The following THSD7B variants were observed in gnomAD, a reference collection of about 807,000 sequenced individuals.
The protein encoded by THSD7B is thrombospondin type-1 domain-containing protein 7B.
In THSD7B, 138 loss-of-function variants were observed where a neutral mutation model predicts 213.6. The ratio of observed to expected loss-of-function variants is 0.65; its 90% CI spans 0.56 to 0.74. The LOEUF (loss-of-function observed/expected upper bound fraction) is 0.74, where lower values mean the gene tolerates loss of function less well. Ranked by LOEUF, THSD7B falls within the 30% of genes least tolerant of loss-of-function variation. The pLI is 0.00. For missense variants in THSD7B, 1,931 were observed against 1,991.5 expected, an observed-to-expected ratio of 0.97 and a Z score of 0.58; for synonymous variants, 742 against 687.0, an observed-to-expected ratio of 1.08 and a Z score of -1.25.
chr2:137,659,131 C>A (rs911116656), intron 24 of THSD7B, among the ~76,000 whole-genome samples: 1 of 152,144 alleles, frequency 6.6e-6, no homozygotes, highest in Non-Finnish European at 1.5e-5. Flanking sequence ...TGTGTTTATA[C>A]GTGACTCTGT....
intron 15 of THSD7B, among the ~76,000 whole-genome samples, chr2:137,520,079 A>T (rs1211394748): frequency 6.6e-6 from 1 of 152,200 alleles, no homozygotes; most frequent in East Asian, 1.9e-4. Flanking sequence ...TTATTGTCCA[A>T]TGCCCTTAAT....
intron 2 of THSD7B, among the ~76,000 whole-genome samples, chr2:137,028,581 C>T (rs969479882): frequency 7.2e-5 from 11 of 152,134 alleles, no homozygotes; most frequent in African/African-American, 1.9e-4. Context: ...AGTTACTGTG[C>T]GAGGCACTGG....
At chr2:137,377,291 A>G (rs1023071620) in intron 12 of THSD7B, among the ~76,000 whole-genome samples, 1 of 152,210 alleles carries the variant, frequency 6.6e-6, no homozygotes, top group African/African-American at 2.4e-5. Context: ...GTGAATGTCT[A>G]TTTTGTCCTT....
intron 1 of THSD7B, among the ~76,000 whole-genome samples, chr2:136,869,539 T>G (rs771105748): frequency 6.6e-6 from 1 of 152,216 alleles, no homozygotes; most frequent in Non-Finnish European, 1.5e-5. Context: ...CACAGCAGTA[T>G]TAATTAACGA....
chr2:136,950,005 G>A (rs1191494369), intron 2 of THSD7B, among the ~76,000 whole-genome samples: 2 of 152,210 alleles, frequency 1.3e-5, no homozygotes, highest in East Asian at 1.9e-4. Context: ...TGTAATCGTA[G>A]CACTTTGGGA....
intron 14 of THSD7B, among the ~76,000 whole-genome samples, chr2:137,441,267 A>G (rs531198057): frequency 3.3e-5 from 5 of 152,164 alleles, no homozygotes; most frequent in African/African-American, 9.6e-5. Flanking sequence ...CAGTGCCCCA[A>G]TCAAATTTAT....
intron 7 of THSD7B, among the ~76,000 whole-genome samples, chr2:137,174,203 A>T (rs2104998468): frequency 6.6e-6 from 1 of 152,230 alleles, no homozygotes; most frequent in South Asian, 2.1e-4. Flanking sequence ...TATCCTGCAT[A>T]TAGGTGTTTA....
At chr2:136,866,848 C>G (rs1683342272) in intron 1 of THSD7B, among the ~76,000 whole-genome samples, 1 of 152,052 alleles carries the variant, frequency 6.6e-6, no homozygotes. Flanking sequence ...CTAGCAGAGT[C>G]TGTGAGAAAT....
intron 2 of THSD7B, among the ~76,000 whole-genome samples, chr2:136,916,018 T>C (rs1051027911): frequency 6.6e-6 from 1 of 152,226 alleles, no homozygotes; most frequent in African/African-American, 2.4e-5. Context: ...GATAAAGAAC[T>C]ATACCAGCTT....
intron 2 of THSD7B, among the ~76,000 whole-genome samples, chr2:136,915,599 GT>G (rs1394720546): frequency 6.6e-6 from 1 of 152,130 alleles, no homozygotes; most frequent in African/African-American, 2.4e-5. Flanking sequence ...TTTATCAATT[GT>G]TTTATATTAT....
chr2:137,244,594 C>A (rs1681984726), intron 10 of THSD7B, among the ~76,000 whole-genome samples: 1 of 152,096 alleles, frequency 6.6e-6, no homozygotes, highest in Admixed American at 6.5e-5. Flanking sequence ...AAATTTTACT[C>A]CAATTTCCAG....
intron 14 of THSD7B, among the ~76,000 whole-genome samples, chr2:137,418,634 G>A (rs1686851168): frequency 6.6e-6 from 1 of 152,086 alleles, no homozygotes; most frequent in Non-Finnish European, 1.5e-5. Flanking sequence ...TTGAAAACCA[G>A]ATTTTATTTT....
At chr2:137,447,799 AAGAAAG>A (rs1558800046) in intron 14 of THSD7B, among the ~76,000 whole-genome samples, 1 of 152,146 alleles carries the variant, frequency 6.6e-6, no homozygotes, top group Admixed American at 6.5e-5. Context: ...AAAAGAAAGA[AAGAAAG>A]AGAAAGAGAA....
intron 3 of THSD7B, among the ~76,000 whole-genome samples, chr2:137,090,256 G>A (rs1195832050): frequency 6.6e-6 from 1 of 152,008 alleles, no homozygotes; most frequent in Non-Finnish European, 1.5e-5. Flanking sequence ...TGTCTGAGGA[G>A]ACAGAAATAA....
intron 2 of THSD7B, among the ~76,000 whole-genome samples, chr2:136,931,693 G>A (rs551442844): frequency 8.5e-5 from 13 of 152,176 alleles, no homozygotes; most frequent in South Asian, 4.2e-4. Flanking sequence ...TCAAACACTA[G>A]CCAATAAAGA....
chr2:137,651,162 T>G (rs561806303), intron 21 of THSD7B, among the ~76,000 whole-genome samples: 40 of 152,274 alleles, frequency 2.6e-4, no homozygotes, highest in Non-Finnish European at 5.3e-4. Context: ...TAGTTCTATG[T>G]TAAATGTTTG....
At chr2:137,331,789 G>A (rs895135658) in intron 12 of THSD7B, among the ~76,000 whole-genome samples, 6 of 152,300 alleles carry the variant, frequency 3.9e-5, no homozygotes, top group Middle Eastern at 3.4e-3. Flanking sequence ...GAAATCGAGC[G>A]CAGCGCTCGT....
intron 2 of THSD7B, among the ~76,000 whole-genome samples, chr2:137,039,080 C>T (rs550075929): frequency 5.9e-5 from 9 of 152,276 alleles, no homozygotes; most frequent in Admixed American, 3.3e-4. Context: ...GTTATGTAAA[C>T]ATTACTCTGT....
At chr2:136,863,705 G>T (rs1683289722) in intron 1 of THSD7B, among the ~76,000 whole-genome samples, 1 of 152,122 alleles carries the variant, frequency 6.6e-6, no homozygotes, top group African/African-American at 2.4e-5. Context: ...GAGGGTTCCA[G>T]CCACAACTAT....
Sources: gnomAD v4.1 joint callset for allele counts (sites outside exome capture counted in the v4.1 genomes callset) on GRCh38, gnomAD v4.1.1 for gene constraint, MANE v1.5 for transcripts, NCBI Gene and HGNC (gene_info 2026-07-23, HGNC 2026-07-21) for gene names.